Variants in CFAP74 observed in about 807,000 individuals in gnomAD.
CFAP74 encodes cilia and flagella associated protein 74, also known as cilia- and flagella-associated protein 74.
CFAP74 carries 124 observed loss-of-function variants against 188.9 expected under a neutral mutation model. The observed-to-expected ratio is 0.66, with a 90% CI of 0.57 to 0.76. The LOEUF (loss-of-function observed/expected upper bound fraction) is 0.76, where lower values mean the gene tolerates loss of function less well. Among genes scored for constraint, CFAP74 ranks in the 30% least tolerant of loss-of-function variants. The probability of loss-of-function intolerance (pLI) is 0.00; values close to 1 mark genes in which losing one functional copy is unlikely to be tolerated. For missense variants in CFAP74, 2,198 were observed against 2,165.2 expected, an observed-to-expected ratio of 1.02 and a Z score of -0.30; for synonymous variants, 956 against 916.7, an observed-to-expected ratio of 1.04 and a Z score of -0.77.
intron 6 of CFAP74, among the ~76,000 whole-genome samples, chr1:1,981,470 C>A (rs1166189115): frequency 2.1e-5 from 3 of 145,778 alleles, no homozygotes; most frequent in African/African-American, 7.8e-5. Flanking sequence ...GGACACCCAG[C>A]CGCGGTCACA....
chr1:1,960,415 G>A (rs2102066222), intron 14 of CFAP74, among the ~76,000 whole-genome samples: 1 of 152,384 alleles, frequency 6.6e-6, no homozygotes, highest in East Asian at 1.9e-4. Flanking sequence ...GGACCAGGGG[G>A]CTGTGGGCAG....
chr1:1,964,937 T>A lies in CFAP74; in HGVS notation c.1526A>T (p.Glu509Val). The A allele has an allele frequency of 6.2e-7, 1 of 1,613,944 alleles. No individual in the cohort carries two copies. Among genetic ancestry groups the A allele is most frequent in the African/African-American group, 1.3e-5 (1 of 75,064 alleles). Residue 509 changes from glutamate (E) to valine (V), a missense_variant, in exon 13 of 39, where the codon GAG (glutamate) becomes GTG (valine). Transcript: ENST00000682832. The stretch of plus-strand genomic sequence containing the variant: ...GCTGTTGAAGGGGCGTCCTTGGAAC[T>A]CACGCCCCCACACCACCTGCTTGTG... ...VVHKQVVWGREFQGRPFNSKP... is the reference protein window; with the variant it reads ...VVHKQVVWGRVFQGRPFNSKP...
intron 1 of CFAP74, among the ~76,000 whole-genome samples, chr1:1,993,980 TC>T (rs1418818877): frequency 6.7e-6 from 1 of 150,302 alleles, no homozygotes; most frequent in Non-Finnish European, 1.5e-5. Context: ...AGACTCCGTC[TC>T]AAAAAAAATA....
At position 1,928,017 on chromosome 1, in the gene CFAP74, C is replaced by G. The variant is rs28409617; in HGVS notation, c.3388-271G>C. ...GAGGAGGCGGCCAGAACCGGGGTCCCCACCCTGGTGCCTTCCCCTATCTTC... is the reference window on the plus strand; with the variant it reads ...GAGGAGGCGGCCAGAACCGGGGTCCGCACCCTGGTGCCTTCCCCTATCTTC... On this transcript the variant is annotated intron_variant, in intron 27 of 38. Coordinates refer to ENST00000682832, the MANE Select transcript of CFAP74 (RefSeq NM_001304360.2). 3.4e-3 allele frequency: 1,649 copies of G among 489,442 alleles called. 28 individuals carry two copies. Among genetic ancestry groups the G allele is most frequent in the African/African-American group, 0.03 (1,522 of 50,910 alleles). The allele number at this position is 489,442 out of a possible 1,614,324, so 30.3% of individuals were successfully genotyped here.
chr1:2,000,334 C>T (rs942543972), intron 1 of CFAP74, among the ~76,000 whole-genome samples: 10 of 152,238 alleles, frequency 6.6e-5, no homozygotes, highest in African/African-American at 2.2e-4. Flanking sequence ...GGACGTGCCA[C>T]GTCCCCTAAC....
intron 1 of CFAP74, among the ~76,000 whole-genome samples, chr1:1,998,774 G>A (rs1658055470): frequency 6.6e-6 from 1 of 152,160 alleles, no homozygotes; most frequent in South Asian, 2.1e-4. Context: ...CTACTCGGGA[G>A]GCTGAGGTAG....
chr1:1,947,829 C>T (rs138901458), intron 18 of CFAP74, among the ~76,000 whole-genome samples: 144 of 152,228 alleles, frequency 9.5e-4, no homozygotes, highest in Non-Finnish European at 1.7e-3. Flanking sequence ...GCACCATGCA[C>T]ATCATTTCTG....
chr1:1,976,582 C>T (rs150765010), intron 6 of CFAP74, among the ~76,000 whole-genome samples: 100 of 152,228 alleles, frequency 6.6e-4, no homozygotes, highest in African/African-American at 2.3e-3. Context: ...TTGCTCTCTC[C>T]GCCAGTCTGG....
In CFAP74 at chr1:1,922,671, G is replaced by T. The variant is rs1284009532; in HGVS notation, c.4736C>A (p.Ser1579Tyr). The T allele has an allele frequency of 4.4e-6, 7 of 1,601,844 alleles. No homozygotes were observed. In the South Asian group the frequency reaches 7.8e-5, roughly 18 times the overall value. Residue 1579 changes from serine (S) to tyrosine (Y), a missense_variant, in exon 38 of 39, where the codon TCT becomes TAT. Ser to Tyr is a moderately radical substitution (Grantham distance 144). Transcript: ENST00000682832. ...SVASLQHKGF[S>Y]IEPSRGSVER... ...CACGGAGCCCCTGGAGGGCTCAATAGAGAAACCCTTGTGCTGCAGGGATGC... is the reference window on the plus strand; with the variant it reads ...CACGGAGCCCCTGGAGGGCTCAATATAGAAACCCTTGTGCTGCAGGGATGC...
chr1:1,926,986 C>T lies in CFAP74; in HGVS notation c.3570G>A (p.Ala1190=), dbSNP rs573714956. 6.7e-5 allele frequency: 104 copies of T among 1,550,260 alleles called. 1 individual carries two copies. The South Asian group carries it at 8.2e-4, about 12-fold the overall frequency. ...YQAARATLLR[A]FQAKFDTFVV... is the part of the protein sequence containing the mutation. ...CAAATGTGTCAAACTTCGCCTGGAA[C>T]GCTCTGAGCAGGGTGGCTCGGGCGG... Residue 1190 remains alanine (A), a synonymous_variant, in exon 29 of 39, where the codon GCG becomes GCA. Coordinates refer to ENST00000682832, the MANE Select transcript of CFAP74 (RefSeq NM_001304360.2).
At chr1:1,943,668 G>A (rs942582524) in intron 21 of CFAP74, among the ~76,000 whole-genome samples, 2 of 152,252 alleles carry the variant, frequency 1.3e-5, no homozygotes, top group East Asian at 1.9e-4. Context: ...CACCCTGCCT[G>A]TGTCCACGAG....
rs769232133 is a variant in CFAP74 at position 1,922,249 on chromosome 1, G to T, written c.*38C>A. 6.6e-7 allele frequency: 1 copy of T among 1,514,372 alleles called. No individual in the cohort carries two copies. The highest frequency in any genetic ancestry group is 2.3e-5 in the East Asian group (1 of 44,280). 93.8% of individuals were successfully genotyped at this position (1,514,372 alleles called of 1,614,324 possible). On this transcript the variant is annotated 3_prime_UTR_variant, in exon 39 of 39. Coordinates refer to ENST00000682832, the MANE Select transcript of CFAP74 (RefSeq NM_001304360.2). ...CCCTCAGCCTGGGGAGGGCTTTGAG[G>T]GTGGACAGGAGGGCCCGAGGGTGCT...
chr1:1,978,363 G>A (rs1188141724), intron 6 of CFAP74, among the ~76,000 whole-genome samples: 2 of 152,156 alleles, frequency 1.3e-5, no homozygotes, highest in Non-Finnish European at 2.9e-5. Context: ...TGCTAGGCCT[G>A]GGAGGGAGCC....
At chr1:1,985,038 A>G (rs1317794067) in intron 6 of CFAP74, 1 of 225,058 alleles carries the variant, frequency 4.4e-6, no homozygotes, top group Non-Finnish European at 8.9e-6. Flanking sequence ...GACGCATCCA[A>G]CCCAACTCCA....
chr1:1,927,026 G>A lies in CFAP74; in HGVS notation c.3530C>T (p.Ser1177Phe). The change falls in exon 29 of 39, where the codon TCC becomes TTC. Residue 1177 changes from serine to phenylalanine, a missense_variant and splice_region_variant. Physicochemically the swap from Ser to Phe is radical, Grantham distance 155. Transcript: ENST00000682832. ...EMRKRELRPS[S>F]DEYQAARATL... is the part of the protein sequence containing the mutation. ...GGCTCGGGCGGCCTGGTACTCGTCG[G>A]AACTAGAAGGAAGTCAGAGGCTTGC... 6.5e-7 allele frequency: 1 copy of A among 1,550,186 alleles called. No homozygotes were observed. Among genetic ancestry groups the A allele is most frequent in the South Asian group, 1.2e-5 (1 of 84,064 alleles).
intron 4 of CFAP74, chr1:1,988,089 G>A (rs778736733): frequency 1.1e-4 from 50 of 471,116 alleles, no homozygotes; most frequent in South Asian, 5.4e-4. Flanking sequence ...GACCACAGGC[G>A]TGCGCCACCA....
rs1200089939 is a variant in CFAP74 at position 1,934,732 on chromosome 1, C to CAGGTGTGT, written c.3011+4122_3011+4123insACACACCT. On this transcript the variant is annotated intron_variant, in intron 25 of 38. Coordinates refer to ENST00000682832, the MANE Select transcript of CFAP74 (RefSeq NM_001304360.2). ...ACGTGGGTGTTAGGCTGTAGGTACA[C>CAGGTGTGT]ACGTGTGTACGTGGGTGTTAGGTTG... Among the ~76,000 whole-genome samples the CAGGTGTGT allele has an allele frequency of 2.3e-4, 30 of 129,922 alleles. 6 individuals carry two copies. Among genetic ancestry groups the CAGGTGTGT allele is most frequent in the African/African-American group, 5.5e-4 (18 of 32,624 alleles). The allele number at this position is 129,922 out of a possible 152,430, so 85.2% of individuals were successfully genotyped here. A position where few individuals can be genotyped will look rare whatever the true frequency, so the allele number is the denominator to read the frequency against.
intron 14 of CFAP74, among the ~76,000 whole-genome samples, chr1:1,963,193 G>A (rs940507580): frequency 7.9e-5 from 12 of 152,172 alleles, no homozygotes; most frequent in African/African-American, 2.9e-4. Flanking sequence ...GCTCATGCCT[G>A]TAATACCAGT....
Position 1,950,987 on chromosome 1 carries a change from A to G in CFAP74, c.2177-3933T>C, listed in dbSNP as rs149357378. ...TCTATTTTGAGTAACTTTTGTTTAC[A>G]GTGTGAGGAACGAATTAAAGTTAAA... On this transcript the variant is annotated intron_variant, in intron 18 of 38. Coordinates refer to ENST00000682832, the MANE Select transcript of CFAP74 (RefSeq NM_001304360.2). 6.3e-3 allele frequency among the ~76,000 whole-genome samples: 964 copies of G among 152,322 alleles called. 11 individuals are homozygous for G. The highest frequency in any genetic ancestry group is 0.022 in the African/African-American group (926 of 41,570).
Sources: gnomAD v4.1 joint callset for allele counts (sites outside exome capture counted in the v4.1 genomes callset) on GRCh38, gnomAD v4.1.1 for gene constraint, MANE v1.5 for transcripts, NCBI Gene and HGNC (gene_info 2026-07-23, HGNC 2026-07-21) for gene names.